The following CACNA2D1 variants were observed in gnomAD, a reference collection of about 807,000 sequenced individuals.
CACNA2D1 encodes voltage-dependent calcium channel subunit alpha-2/delta-1.
In CACNA2D1, 53 loss-of-function variants were observed where a neutral mutation model predicts 171.5. The observed-to-expected ratio is 0.31, with a 90% confidence interval of 0.25 to 0.39. The LOEUF (loss-of-function observed/expected upper bound fraction) is 0.39, where lower values mean the gene tolerates loss of function less well. Among genes scored for constraint, CACNA2D1 ranks in the 10% least tolerant of loss-of-function variants. The probability of loss-of-function intolerance (pLI) is 1.00; values close to 1 mark genes in which losing one functional copy is unlikely to be tolerated. For synonymous variants in CACNA2D1, 442 were observed against 443.1 expected, an observed-to-expected ratio of 1.00 and a Z score of 0.03; for missense variants, 903 against 1,299.8, an observed-to-expected ratio of 0.69 and a Z score of 4.69.
chr7:82,165,108 T>C (rs1795302539), intron 4 of CACNA2D1, among the ~76,000 whole-genome samples: 1 of 151,962 alleles, frequency 6.6e-6, no homozygotes, highest in South Asian at 2.1e-4. Flanking sequence ...TTTCATCATC[T>C]CAATCCCAGG....
intron 5 of CACNA2D1, among the ~76,000 whole-genome samples, chr7:82,133,332 A>G (rs1190421667): frequency 1.3e-5 from 2 of 152,204 alleles, no homozygotes; most frequent in African/African-American, 4.8e-5. Context: ...GTGAGCCTGA[A>G]AAAACATGGG....
intron 3 of CACNA2D1, among the ~76,000 whole-genome samples, chr7:82,241,867 A>G (rs971679028): frequency 2.6e-5 from 4 of 152,232 alleles, no homozygotes; most frequent in Admixed American, 2.0e-4. Context: ...CTAGGCGGTA[A>G]ATTTGTGTCA....
At chr7:82,125,497 T>G (rs1790229983) in intron 5 of CACNA2D1, among the ~76,000 whole-genome samples, 1 of 152,222 alleles carries the variant, frequency 6.6e-6, no homozygotes, top group South Asian at 2.1e-4. Context: ...TAATGATAAC[T>G]TGAATTTGGG....
intron 1 of CACNA2D1, among the ~76,000 whole-genome samples, chr7:82,429,457 A>G (rs1379828941): frequency 6.6e-6 from 1 of 152,156 alleles, no homozygotes; most frequent in African/African-American, 2.4e-5. Context: ...CCCTGTGCAT[A>G]TTACAAGAAT....
chr7:82,202,053 C>A (rs564635258), intron 3 of CACNA2D1, among the ~76,000 whole-genome samples: 2 of 152,198 alleles, frequency 1.3e-5, no homozygotes, highest in Non-Finnish European at 2.9e-5. Flanking sequence ...CAAGACACAG[C>A]AAGTTTGGAG....
chr7:82,325,359 T>A (rs1000467135), intron 3 of CACNA2D1, among the ~76,000 whole-genome samples: 1 of 152,150 alleles, frequency 6.6e-6, no homozygotes, highest in African/African-American at 2.4e-5. Flanking sequence ...TAAACTACAC[T>A]CTAGGTAGGT....
chr7:82,283,208 T>C (rs141739162), intron 3 of CACNA2D1, among the ~76,000 whole-genome samples: 223 of 152,302 alleles, frequency 1.5e-3, no homozygotes, highest in African/African-American at 5.1e-3. Flanking sequence ...AGTGTACCTA[T>C]CTTTTCCATT....
chr7:82,040,951 G>C (rs917938747), intron 10 of CACNA2D1, among the ~76,000 whole-genome samples: 1 of 151,838 alleles, frequency 6.6e-6, no homozygotes, highest in African/African-American at 2.4e-5. Context: ...CTCCAGCCTG[G>C]GCAACAAGAG....
chr7:81,982,362 T>C (rs1336806731), intron 24 of CACNA2D1, among the ~76,000 whole-genome samples: 3 of 152,158 alleles, frequency 2.0e-5, no homozygotes, highest in African/African-American at 7.2e-5. Flanking sequence ...CTTTTGACCT[T>C]GTGATCCACC....
intron 3 of CACNA2D1, among the ~76,000 whole-genome samples, chr7:82,203,463 T>C (rs1199526954): frequency 6.6e-6 from 1 of 152,118 alleles, no homozygotes; most frequent in Non-Finnish European, 1.5e-5. Context: ...CCATATGTCA[T>C]GGTCTTGTTA....
chr7:82,066,612 TAG>T, intron 7 of CACNA2D1, 88 bp from the exon 8 acceptor site: 1 of 1,486,306 alleles, frequency 6.7e-7, no homozygotes. Context: ...CAAAAAGCAA[TAG>T]ATACATAATT....
At chr7:81,964,428 C>T in intron 32 of CACNA2D1, 69 bp from the exon 33 acceptor site, 1 of 1,207,372 alleles carries the variant, frequency 8.3e-7, no homozygotes, top group East Asian at 2.4e-5. Flanking sequence ...ACGGGAATCA[C>T]CACTACAGTG....
At chr7:82,144,688 A>G (rs1451118891) in intron 4 of CACNA2D1, among the ~76,000 whole-genome samples, 2 of 152,056 alleles carry the variant, frequency 1.3e-5, no homozygotes, top group African/African-American at 2.4e-5. Flanking sequence ...AAAATCACCT[A>G]CTGCCAACTT....
Position 82,443,612 on chromosome 7 carries a change from G to C in CACNA2D1, c.-153C>G, listed in dbSNP as rs1385836916. On this transcript the variant is annotated 5_prime_UTR_variant, in exon 1 of 39. Transcript: ENST00000356860. Reference sequence around the variant, plus strand: ...CGGGGCCCGAGGCGCGGAGCCGCGCGGGGGACGGCAAGGGCGGGAGCGGAC... The same window carrying C: ...CGGGGCCCGAGGCGCGGAGCCGCGCCGGGGACGGCAAGGGCGGGAGCGGAC... 1.5e-6 allele frequency: 2 copies of C among 1,367,738 alleles called. No individual in the cohort carries two copies. The highest frequency in any genetic ancestry group is 1.9e-6 in the Non-Finnish European group (2 of 1,066,406). The allele number at this position is 1,367,738 out of a possible 1,614,324, so 84.7% of individuals were successfully genotyped here. A position where few individuals can be genotyped will look rare whatever the true frequency, so the allele number is the denominator to read the frequency against.
At chr7:82,001,668 G>C (rs1314959762) in intron 18 of CACNA2D1, 1 of 1,248,016 alleles carries the variant, frequency 8.0e-7, no homozygotes, top group Non-Finnish European at 1.1e-6. Flanking sequence ...CCTGGATATT[G>C]GGTCTCCTTT....
intron 3 of CACNA2D1, among the ~76,000 whole-genome samples, chr7:82,284,853 A>G (rs17177211): frequency 0.2 from 30,474 of 152,126 alleles, 3,581 homozygotes; most frequent in Non-Finnish European, 0.25. Flanking sequence ...TGTAATGTAC[A>G]TAAGACCCTG....
chr7:82,395,093 G>A (rs919778885), intron 1 of CACNA2D1, among the ~76,000 whole-genome samples: 1 of 151,948 alleles, frequency 6.6e-6, no homozygotes, highest in South Asian at 2.1e-4. Context: ...CATCCTATGG[G>A]CAGATAATAT....
At chr7:82,201,669 G>A (rs147733325) in intron 3 of CACNA2D1, among the ~76,000 whole-genome samples, 249 of 152,274 alleles carry the variant, frequency 1.6e-3, no homozygotes, top group Non-Finnish European at 2.7e-3. Flanking sequence ...CTCCTCAGAG[G>A]TTTTGCTACC....
At chr7:82,231,365 A>C (rs2129276999) in intron 3 of CACNA2D1, among the ~76,000 whole-genome samples, 1 of 152,332 alleles carries the variant, frequency 6.6e-6, no homozygotes, top group South Asian at 2.1e-4. Flanking sequence ...GCAATAGGAA[A>C]CACAGTTGGG....
Sources: allele counts gnomAD v4.1 joint callset (sites outside exome capture counted in the v4.1 genomes callset), GRCh38; gene constraint gnomAD v4.1.1; transcripts MANE v1.5; gene names NCBI Gene and HGNC (gene_info 2026-07-23, HGNC 2026-07-21).